NFKBIZ: variants seen among roughly 807,000 people sequenced by gnomAD.
NFKBIZ encodes NFKB inhibitor zeta.
In NFKBIZ, 19 loss-of-function variants were observed where a neutral mutation model predicts 76.8. That is an observed-to-expected ratio of 0.25 (90% CI 0.17 to 0.36). The LOEUF is 0.36. Among genes scored for constraint, NFKBIZ ranks in the 10% least tolerant of loss-of-function variants. The pLI, the probability that NFKBIZ is intolerant of heterozygous loss-of-function variation, is 1.00. For synonymous variants in NFKBIZ, 368 were observed against 354.8 expected (o/e 1.04, Z -0.42); for missense variants, 829 against 910.9 (o/e 0.91, Z 1.16).
exon 1 of NFKBIZ, chr3:101,828,003 G>A (rs17347617): frequency 0.051 from 7,831 of 152,304 alleles, 293 homozygotes; most frequent in Non-Finnish European, 0.078. Flanking sequence ...CTCTTGCCAC[G>A]AGGTCAGACG....
intron 2 of NFKBIZ, among the ~76,000 whole-genome samples, chr3:101,835,856 G>T (rs1942712667): frequency 6.6e-6 from 1 of 152,180 alleles, no homozygotes; most frequent in African/African-American, 2.4e-5. Flanking sequence ...ATTTAGCTTT[G>T]ATATGGAAGG....
In NFKBIZ at chr3:101,860,241, G is replaced by A. The variant is rs1943113004; in HGVS notation, c.*870G>A. 6.6e-6 allele frequency: 1 copy of A among 151,624 alleles called. No individual in the cohort carries two copies. The allele number at this position is 151,624 out of a possible 1,614,324, so 9.4% of individuals were successfully genotyped here. A position where few individuals can be genotyped will look rare whatever the true frequency, so the allele number is the denominator to read the frequency against. On this transcript the variant is annotated 3_prime_UTR_variant, in exon 12 of 12. Coordinates refer to ENST00000326172, the MANE Select transcript of NFKBIZ (RefSeq NM_031419.4). ...CTGGCGCCCAGGCTGGAGTACAGTGGCATGATCTTGGCTCACTTCAGCCTT... is the reference window on the plus strand; with the variant it reads ...CTGGCGCCCAGGCTGGAGTACAGTGACATGATCTTGGCTCACTTCAGCCTT...
intron 2 of NFKBIZ, among the ~76,000 whole-genome samples, chr3:101,843,227 G>A (rs1333435290): frequency 6.6e-6 from 1 of 151,956 alleles, no homozygotes; most frequent in Non-Finnish European, 1.5e-5. Context: ...TTGAAGCCAG[G>A]AGTTCCAGAC....
chr3:101,829,287 A>C (rs2107388985), intron 1 of NFKBIZ, among the ~76,000 whole-genome samples: 1 of 152,306 alleles, frequency 6.6e-6, no homozygotes, highest in East Asian at 1.9e-4. Context: ...TGCACAGTGC[A>C]GATGACGGAA....
Position 101,853,382 on chromosome 3 carries a change from C to T in NFKBIZ, c.856C>T (p.Leu286=), listed in dbSNP as rs916823767. ...CCAACAAATGATAGACCAGGCTTCC[C>T]TGTACCAGTATTCTCCACAGAACCA... is the stretch of plus-strand genomic sequence containing the variant. ...GSQQMIDQAS[L]YQYSPQNQHV... Residue 286 remains leucine, a synonymous_variant, in exon 5 of 12, where the codon CTG becomes TTG. Transcript: ENST00000326172. 2 of 1,614,152 alleles carry T rather than the reference C, an allele frequency of 1.2e-6. No individual in the cohort carries two copies. Among genetic ancestry groups the T allele is most frequent in the Non-Finnish European group, 1.7e-6 (2 of 1,180,038 alleles).
Position 101,853,218 on chromosome 3 carries a change from C to G in NFKBIZ, c.692C>G (p.Ser231Cys), listed in dbSNP as rs775761490. ...INIKNECSPV[S>C]LNTVQVSWLN... ...ATTAAGAATGAATGCAGCCCCGTTT[C>G]CCTGAACACAGTTCAAGTTAGCTGG... The change falls in exon 5 of 12, where the codon TCC becomes TGC. Residue 231 changes from serine (S) to cysteine (C), a missense_variant. Around this residue, in one of 4 missense-constraint regions of NFKBIZ, gnomAD observed 371 missense variants for 332.3 expected, o/e 1.12. Coordinates refer to ENST00000326172, the MANE Select transcript of NFKBIZ (RefSeq NM_031419.4). 3.5e-5 allele frequency: 57 copies of G among 1,614,070 alleles called. No homozygotes were observed. The highest frequency in any genetic ancestry group is 4.8e-5 in the Non-Finnish European group (57 of 1,180,040).
chr3:101,853,386 A>T lies in NFKBIZ; in HGVS notation c.860A>T (p.Tyr287Phe). The T allele has an allele frequency of 1.2e-6, 2 of 1,614,112 alleles. No homozygotes were observed. The highest frequency in any genetic ancestry group is 1.7e-6 in the Non-Finnish European group (2 of 1,180,004). ...SQQMIDQASL[Y>F]QYSPQNQHVE... Reference sequence around the variant, plus strand: ...CAAATGATAGACCAGGCTTCCCTGTACCAGTATTCTCCACAGAACCAGCAT... The same window carrying T: ...CAAATGATAGACCAGGCTTCCCTGTTCCAGTATTCTCCACAGAACCAGCAT... Residue 287 changes from tyrosine to phenylalanine, a missense_variant, in exon 5 of 12, where the codon TAC becomes TTC. Physicochemically the swap from Tyr to Phe is conservative, Grantham distance 22. Coordinates refer to ENST00000326172, the MANE Select transcript of NFKBIZ (RefSeq NM_031419.4).
Position 101,855,129 on chromosome 3 carries a change from C to T in NFKBIZ, c.1511C>T (p.Ala504Val). 1 of 1,614,052 alleles carries T rather than the reference C, an allele frequency of 6.2e-7. No individual in the cohort carries two copies. ...GTGCAGGATCTGGTGAACATCGGGG[C>T]ACAGGTGAACACCACAGACTGCTGG... is the stretch of plus-strand genomic sequence containing the variant. ...LIVQDLVNIGAQVNTTDCWGR... is the reference protein window; with the variant it reads ...LIVQDLVNIGVQVNTTDCWGR... Residue 504 changes from alanine (A) to valine (V), a missense_variant, in exon 7 of 12, where the codon GCA becomes GTA. Physicochemically the swap from Ala to Val is moderately conservative, Grantham distance 64. This residue lies in a region of NFKBIZ where 272 missense variants were observed against 384.2 expected (regional missense o/e 0.71). Coordinates refer to ENST00000326172, the MANE Select transcript of NFKBIZ (RefSeq NM_031419.4).
chr3:101,833,928 C>T (rs1014063142), intron 2 of NFKBIZ, among the ~76,000 whole-genome samples: 3 of 152,320 alleles, frequency 2.0e-5, no homozygotes, highest in Middle Eastern at 3.4e-3. Flanking sequence ...CCACCCCATA[C>T]CTCACTTAGG....
chr3:101,837,511 A>G (rs559214964), intron 2 of NFKBIZ, among the ~76,000 whole-genome samples: 1 of 151,570 alleles, frequency 6.6e-6, no homozygotes, highest in African/African-American at 2.4e-5. Context: ...AAAAAAAAGA[A>G]AAGAAAAAAG....
rs1295701275 is a variant in NFKBIZ at position 101,853,592 on chromosome 3, C to T, written c.1066C>T (p.Pro356Ser). The change falls in exon 5 of 12, where the codon CCC (proline) becomes TCC (serine). Residue 356 changes from proline to serine, a missense_variant. Physicochemically the swap from Pro to Ser is moderately conservative, Grantham distance 74 (BLOSUM62 -1). Around this residue, in one of 4 missense-constraint regions of NFKBIZ, gnomAD observed 371 missense variants for 332.3 expected, o/e 1.12. Coordinates refer to ENST00000326172, the MANE Select transcript of NFKBIZ (RefSeq NM_031419.4). ...DQRESENIAN[P>S]MQTSSSVQQQ... ...AAGGGAATCTGAGAATATTGCTAAT[C>T]CCATGCAGACTTCCTCCAGTGTTCA... 3.1e-6 allele frequency: 5 copies of T among 1,614,116 alleles called. No individual in the cohort carries two copies. Among genetic ancestry groups the T allele is most frequent in the Non-Finnish European group, 4.2e-6 (5 of 1,180,050 alleles).
intron 2 of NFKBIZ, among the ~76,000 whole-genome samples, chr3:101,839,192 G>C (rs960628496): frequency 6.6e-6 from 1 of 151,830 alleles, no homozygotes; most frequent in Non-Finnish European, 1.5e-5. Context: ...AATCCCTAGA[G>C]ACTTATAAAA....
At chr3:101,837,492 A>G (rs1440247334) in intron 2 of NFKBIZ, among the ~76,000 whole-genome samples, 1 of 1,332 alleles carries the variant, frequency 7.5e-4, no homozygotes, top group Admixed American at 0.031. Flanking sequence ...ATCCTGTCTC[A>G]AAAAAAAAAA....
chr3:101,850,735 C>T (rs1254871310), intron 1 of NFKBIZ, among the ~76,000 whole-genome samples: 11 of 152,134 alleles, frequency 7.2e-5, no homozygotes, highest in Admixed American at 7.2e-4. Context: ...CCGGTGTTTC[C>T]CACTCTTAGC....
upstream of NFKBIZ, among the ~76,000 whole-genome samples, chr3:101,844,913 G>A (rs1258220349): frequency 6.6e-6 from 1 of 152,178 alleles, no homozygotes; most frequent in African/African-American, 2.4e-5. Context: ...TTCATCTCAA[G>A]TTTGAAAAGC....
In NFKBIZ at chr3:101,860,716, T is replaced by C. The variant is rs1200982059; in HGVS notation, c.*1345T>C. 1 of 151,896 alleles carries C rather than the reference T, an allele frequency of 6.6e-6. No homozygotes were observed. Among genetic ancestry groups the C allele is most frequent in the African/African-American group, 2.4e-5 (1 of 41,350 alleles). The allele number at this position is 151,896 out of a possible 1,614,324, so 9.4% of individuals were successfully genotyped here. On this transcript the variant is annotated 3_prime_UTR_variant, in exon 12 of 12. Transcript: ENST00000326172. ...CTATTAACATTATTTTGCTTGCCGC[T>C]GGCATGCCTGAGGAATGTATTTGGC... is the stretch of plus-strand genomic sequence containing the variant.
At chr3:101,855,542 G>T (rs1249440416) in intron 8 of NFKBIZ, 84 bp downstream of exon 8, 4 of 1,359,572 alleles carry the variant, frequency 2.9e-6, no homozygotes, top group Non-Finnish European at 4.2e-6. Flanking sequence ...TAAGAAGGAA[G>T]GTAATTAAAG....
rs1942974101 is a variant in NFKBIZ, at chr3:101,852,139, G to A, written c.344G>A (p.Arg115Gln). 3.1e-6 allele frequency: 5 copies of A among 1,614,072 alleles called. No individual in the cohort carries two copies. The highest frequency in any genetic ancestry group is 4.2e-6 in the Non-Finnish European group (5 of 1,180,046). Residue 115 changes from arginine to glutamine, a missense_variant, in exon 2 of 12, where the codon CGG becomes CAG. Around this residue, in one of 4 missense-constraint regions of NFKBIZ, gnomAD observed 5 missense variants for 19.0 expected, o/e 0.26. Transcript: ENST00000326172. The part of the protein sequence containing the change: ...RQQRGPFQGV[R>Q]VKNSVKELLL... ...CAGAGAGGCCCCTTTCAAGGTGTTC[G>A]GGTAAAGAACTCAGTGAAGGAACTC...
At chr3:101,850,212 A>C (rs1190455565) in intron 1 of NFKBIZ, 3 of 349,582 alleles carry the variant, frequency 8.6e-6, no homozygotes, top group Non-Finnish European at 1.5e-5. Context: ...GCTCTCTAAG[A>C]AGCAGCTTTG....
Sources: gnomAD v4.1 joint callset for allele counts (sites outside exome capture counted in the v4.1 genomes callset) on GRCh38, gnomAD v4.1.1 for gene constraint, gnomAD v4.1.1 regional missense constraint, MANE v1.5 for transcripts, NCBI Gene and HGNC (gene_info 2026-07-23, HGNC 2026-07-21) for gene names.